Variants in EBF1 observed in about 807,000 individuals in gnomAD.
EBF1 encodes transcription factor COE1.
In EBF1, 10 loss-of-function variants were observed where a neutral mutation model predicts 68.4. The observed-to-expected ratio is 0.15, with a 90% CI of 0.09 to 0.25. The LOEUF (loss-of-function observed/expected upper bound fraction) is 0.25, where lower values mean the gene tolerates loss of function less well. EBF1 is among the 10% of genes least tolerant of loss of function. The pLI is 1.00. For missense variants in EBF1, 509 were observed against 794.4 expected (o/e 0.64, Z 4.32); for synonymous variants, 298 against 299.8 (o/e 0.99, Z 0.06).
At chr5:158,842,005 CAAA>C (rs1294641829) in intron 6 of EBF1, among the ~76,000 whole-genome samples, 1 of 152,238 alleles carries the variant, frequency 6.6e-6, no homozygotes, top group Non-Finnish European at 1.5e-5. Flanking sequence ...TCGTCCAAGA[CAAA>C]TGGCTTACAG....
chr5:159,075,702 C>G (rs540009042), intron 5 of EBF1, among the ~76,000 whole-genome samples: 8 of 152,316 alleles, frequency 5.3e-5, no homozygotes, highest in African/African-American at 1.9e-4. Context: ...GGTACTGTGC[C>G]ATCTCACTGC....
chr5:158,819,508 G>A (rs1401139846), intron 8 of EBF1, among the ~76,000 whole-genome samples: 1 of 152,160 alleles, frequency 6.6e-6, no homozygotes, highest in Non-Finnish European at 1.5e-5. Context: ...ACACAACCTG[G>A]AACTCAGGGG....
intron 6 of EBF1, among the ~76,000 whole-genome samples, chr5:159,015,417 G>A (rs1765445230): frequency 2.0e-5 from 3 of 152,180 alleles, no homozygotes; most frequent in South Asian, 4.1e-4. Flanking sequence ...GACACTCTTG[G>A]AAGCTGCAGG....
At chr5:158,876,563 C>T (rs1797844252) in intron 6 of EBF1, among the ~76,000 whole-genome samples, 1 of 152,182 alleles carries the variant, frequency 6.6e-6, no homozygotes, top group African/African-American at 2.4e-5. Flanking sequence ...GCTCCTACAA[C>T]CTGTACTGCA....
chr5:158,945,582 T>C (rs1417151466), intron 6 of EBF1, among the ~76,000 whole-genome samples: 1 of 152,238 alleles, frequency 6.6e-6, no homozygotes, highest in Non-Finnish European at 1.5e-5. Flanking sequence ...TAACCCAACC[T>C]TTCTCTCTGG....
intron 8 of EBF1, among the ~76,000 whole-genome samples, chr5:158,809,269 T>C (rs1292271384): frequency 6.6e-6 from 1 of 152,176 alleles, no homozygotes; most frequent in Non-Finnish European, 1.5e-5. Flanking sequence ...ATGTTCCTCA[T>C]TCCACTTTAC....
At chr5:158,850,984 G>A (rs182707096) in intron 6 of EBF1, among the ~76,000 whole-genome samples, 20 of 152,036 alleles carry the variant, frequency 1.3e-4, no homozygotes, top group African/African-American at 4.1e-4. Flanking sequence ...GTGACAGAGC[G>A]AGACTCCATC....
At chr5:158,703,549 T>C (rs1005847291) in intron 15 of EBF1, among the ~76,000 whole-genome samples, 1 of 152,036 alleles carries the variant, frequency 6.6e-6, no homozygotes, top group Admixed American at 6.6e-5. Flanking sequence ...TATTTTTATT[T>C]TTTAACAGGA....
chr5:158,699,239 A>C, intron 15 of EBF1, 97 bp from the exon 16 acceptor site: 1 of 1,254,362 alleles, frequency 8.0e-7, no homozygotes, highest in African/African-American at 1.6e-5. Context: ...ACCCACACAC[A>C]ACTATGTTGT....
intron 6 of EBF1, among the ~76,000 whole-genome samples, chr5:158,845,425 C>G (rs182152145): frequency 1.3e-5 from 2 of 152,250 alleles, no homozygotes; most frequent in East Asian, 3.9e-4. Flanking sequence ...ATTTTCTCAT[C>G]TGTAAGATGG....
intron 6 of EBF1, among the ~76,000 whole-genome samples, chr5:158,997,751 A>G (rs1761707716): frequency 6.6e-6 from 1 of 152,136 alleles, no homozygotes; most frequent in South Asian, 2.1e-4. Flanking sequence ...CTGTGGCCCA[A>G]AGGAAGAAGT....
At position 159,096,383 on chromosome 5, in the gene EBF1, A is replaced by G. The variant is rs541061110; in HGVS notation, c.315T>C (p.Asn105=). ...KEKEANSEKT[N]NGIHYRLQLL... ...GCTGAAGCCGGTAGTGAATTCCGTT[A>G]TTGGTCTTTTCGCTGTTGGCTTCCT... The change falls in exon 3 of 16, where the codon AAT becomes AAC. Residue 105 remains asparagine (N), a synonymous_variant. Coordinates refer to ENST00000313708, the MANE Select transcript of EBF1 (RefSeq NM_024007.5). 119 of 1,613,730 alleles carry G rather than the reference A, an allele frequency of 7.4e-5. 2 individuals carry two copies. In the South Asian group the frequency reaches 1.3e-3, roughly 17 times the overall value.
chr5:158,931,216 T>G (rs1810819333), intron 6 of EBF1, among the ~76,000 whole-genome samples: 1 of 152,230 alleles, frequency 6.6e-6, no homozygotes, highest in South Asian at 2.1e-4. Context: ...CATCACATTT[T>G]ATAACTTAAA....
chr5:158,877,979 T>C (rs996855165), intron 6 of EBF1, among the ~76,000 whole-genome samples: 1 of 151,938 alleles, frequency 6.6e-6, no homozygotes, highest in African/African-American at 2.4e-5. Flanking sequence ...CATAACTCCA[T>C]GTTGCTGTAT....
intron 6 of EBF1, among the ~76,000 whole-genome samples, chr5:158,916,084 TGA>T (rs1359915358): frequency 6.6e-6 from 1 of 152,198 alleles, no homozygotes; most frequent in African/African-American, 2.4e-5. Context: ...TGATGTTGGC[TGA>T]GTAGACTGCA....
At chr5:158,927,044 A>G (rs989654478) in intron 6 of EBF1, among the ~76,000 whole-genome samples, 3 of 152,210 alleles carry the variant, frequency 2.0e-5, no homozygotes, top group African/African-American at 7.2e-5. Flanking sequence ...AGGCAAATTT[A>G]AGGTGGCTTC....
At chr5:158,754,881 G>A (rs1769711298) in intron 10 of EBF1, among the ~76,000 whole-genome samples, 1 of 152,100 alleles carries the variant, frequency 6.6e-6, no homozygotes, top group African/African-American at 2.4e-5. Context: ...TAATTGCAAG[G>A]AATTTTTCTT....
chr5:159,073,699 G>A, intron 5 of EBF1: 1 of 521,524 alleles, frequency 1.9e-6, no homozygotes, highest in East Asian at 3.2e-5. Context: ...CTCTCCCAGA[G>A]CCAAGACTCA....
intron 6 of EBF1, among the ~76,000 whole-genome samples, chr5:159,038,803 T>C (rs1403221858): frequency 6.6e-6 from 1 of 152,186 alleles, no homozygotes; most frequent in African/African-American, 2.4e-5. Context: ...AATTCCACCC[T>C]AACTCTTCCC....
Sources: allele counts gnomAD v4.1 joint callset (sites outside exome capture counted in the v4.1 genomes callset), GRCh38; gene constraint gnomAD v4.1.1; transcripts MANE v1.5; gene names NCBI Gene and HGNC (gene_info 2026-07-23, HGNC 2026-07-21).